Variants in SPTBN2 observed in about 807,000 individuals in gnomAD.
SPTBN2 encodes the protein spectrin beta chain, non-erythrocytic 2.
In SPTBN2, 107 loss-of-function variants were observed where a neutral mutation model predicts 284.2. The observed-to-expected ratio is 0.38, with a 90% CI of 0.32 to 0.44. The LOEUF (loss-of-function observed/expected upper bound fraction) is 0.44. SPTBN2 is among the 20% of genes least tolerant of loss of function. The pLI, the probability that SPTBN2 is intolerant of heterozygous loss-of-function variation, is 1.00. For synonymous variants in SPTBN2, 1,289 were observed against 1,354.8 expected, an observed-to-expected ratio of 0.95 and a Z score of 1.07; for missense variants, 2,569 against 3,287.1, an observed-to-expected ratio of 0.78 and a Z score of 5.34.
chr11:66,730,109 A>G (rs1942780430), upstream of SPTBN2, among the ~76,000 whole-genome samples: 2 of 151,960 alleles, frequency 1.3e-5, no homozygotes, highest in Non-Finnish European at 2.9e-5. Flanking sequence ...GCCTGAGGCT[A>G]TTTATTATTT....
chr11:66,691,562 C>G lies in SPTBN2; in HGVS notation c.5287G>C (p.Ala1763Pro). The G allele has an allele frequency of 6.2e-7, 1 of 1,613,606 alleles. No homozygotes were observed. The highest frequency in any genetic ancestry group is 8.5e-7 in the Non-Finnish European group (1 of 1,180,044). ...SANALANGLI[A>P]GGHAARATVA... ...GTGGCCCGTGCAGCATGGCCCCCAG[C>G]AATGAGCCCATTGGCCAGCGCATTG... The change falls in exon 27 of 38, where the codon GCT becomes CCT. Residue 1763 changes from alanine (A) to proline (P), a missense_variant. Transcript: ENST00000533211. This position sits in a 1 kb window ranked among gnomAD's most constrained non-coding sequence, Gnocchi z 8.0.
intron 31 of SPTBN2, 90 bp downstream of exon 31, chr11:66,688,563 G>T: frequency 6.5e-7 from 1 of 1,546,482 alleles, no homozygotes. Flanking sequence ...GGTGCAGTGG[G>T]AAGAGAGAAG....
chr11:66,714,271 G>A (rs1030706706), intron 6 of SPTBN2, 45 bp downstream of exon 6: 3 of 1,608,038 alleles, frequency 1.9e-6, no homozygotes, highest in Non-Finnish European at 2.6e-6. Context: ...AGCACAGCCT[G>A]GGGGTCACTG....
chr11:66,719,513 G>C (rs1192005062), intron 3 of SPTBN2, among the ~76,000 whole-genome samples: 1 of 152,256 alleles, frequency 6.6e-6, no homozygotes, highest in Non-Finnish European at 1.5e-5. Context: ...GGAGAGCCCA[G>C]TTCAGTGGTG....
intron 26 of SPTBN2, 40 bp downstream of exon 26, chr11:66,692,496 C>G: frequency 6.3e-7 from 1 of 1,597,758 alleles, no homozygotes; most frequent in South Asian, 1.1e-5. Flanking sequence ...CTCCACTCTT[C>G]CCACGGTTGA....
rs1367060402 is a variant in SPTBN2, at chr11:66,707,950, A to G, written c.1351-132T>C. 6 of 1,375,680 alleles carry G rather than the reference A, an allele frequency of 4.4e-6. No homozygotes were observed. The African/African-American group carries it at 8.7e-5, about 20-fold the overall frequency. The allele number at this position is 1,375,680 out of a possible 1,614,324, so 85.2% of individuals were successfully genotyped here. A position where few individuals can be genotyped will look rare whatever the true frequency, so the allele number is the denominator to read the frequency against. ...TGGCTCTAAGTTCCCTCTCTATCCC[A>G]CCCCCATCCTGTCTCACCAACCCTC... On this transcript the variant is annotated intron_variant, in intron 12 of 37. Transcript: ENST00000533211. This position sits in a 1 kb window ranked among gnomAD's most constrained non-coding sequence, Gnocchi z 4.9.
Position 66,694,426 on chromosome 11 carries a change from A to G in SPTBN2, c.4279-63T>C. 4 of 1,529,432 alleles carry G rather than the reference A, an allele frequency of 2.6e-6. No individual in the cohort carries two copies. The South Asian group carries it at 4.8e-5, about 18-fold the overall frequency. 94.7% of individuals were successfully genotyped at this position (1,529,432 alleles called of 1,614,324 possible). A position where few individuals can be genotyped will look rare whatever the true frequency, so the allele number is the denominator to read the frequency against. On this transcript the variant is annotated intron_variant, in intron 21 of 37. Coordinates refer to ENST00000533211, the MANE Select transcript of SPTBN2 (RefSeq NM_006946.4). ...ATTTCCGCCTTCATGCCCAGCAGAG[A>G]CACCAACCAGTCTCTATCCAGCCCA...
intron 3 of SPTBN2, 69 bp from the exon 4 acceptor site, chr11:66,716,050 CA>C: frequency 6.2e-7 from 1 of 1,607,872 alleles, no homozygotes. Context: ...CACCAGTTGG[CA>C]GGGGTGGGGG....
rs758669955 is a variant in SPTBN2 at position 66,686,378 on chromosome 11, G to A, written c.6939+20C>T. 1.2e-6 allele frequency: 2 copies of A among 1,613,986 alleles called. No individual in the cohort carries two copies. The highest frequency in any genetic ancestry group is 2.7e-5 in the African/African-American group (2 of 74,910). On this transcript the variant is annotated intron_variant, in intron 37 of 37. Coordinates refer to ENST00000533211, the MANE Select transcript of SPTBN2 (RefSeq NM_006946.4). ...CTTCTGGAATGGCACGGACAGAGAG[G>A]AACACGAAGGACAGCTCACCTCATC...
Position 66,692,834 on chromosome 11 carries a change from A to G in SPTBN2, c.4986-94T>C, listed in dbSNP as rs558742333. 1.3e-4 allele frequency: 209 copies of G among 1,596,310 alleles called. 1 individual carries two copies. The African/African-American group carries it at 2.6e-3, about 20-fold the overall frequency. The stretch of plus-strand genomic sequence containing the variant: ...GAGCCCTGTCCCTCTGAGTCTCCCA[A>G]CAGCTCGCCCACCCTGTGTTCCAGC... On this transcript the variant is annotated intron_variant, in intron 25 of 37. Coordinates refer to ENST00000533211, the MANE Select transcript of SPTBN2 (RefSeq NM_006946.4).
At chr11:66,731,094 T>G (rs939075963), upstream of SPTBN2, among the ~76,000 whole-genome samples, 1 of 152,220 alleles carries the variant, frequency 6.6e-6, no homozygotes, top group African/African-American at 2.4e-5. Context: ...GGCACCATAA[T>G]GTGGGGAACA....
Position 66,688,212 on chromosome 11 carries a change from C to T in SPTBN2, c.6331G>A (p.Asp2111Asn), listed in dbSNP as rs750466944. ...PEPTASVPPG[D>N]LVGGQTASDT... Reference sequence around the variant, plus strand: ...GAAGCTGTCTGGCCGCCCACCAGGTCCCCTGGAGGCACACTGGCTGTGGGT... The same window carrying T: ...GAAGCTGTCTGGCCGCCCACCAGGTTCCCTGGAGGCACACTGGCTGTGGGT... Residue 2111 changes from aspartate to asparagine, a missense_variant, in exon 32 of 38, where the codon GAC becomes AAC. Physicochemically the swap from Asp to Asn is conservative, Grantham distance 23. Transcript: ENST00000533211. 4 of 1,613,572 alleles carry T rather than the reference C, an allele frequency of 2.5e-6. No homozygotes were observed. Among genetic ancestry groups the T allele is most frequent in the South Asian group, 2.2e-5 (2 of 91,088 alleles).
At chr11:66,705,654 C>T (rs773920124) in intron 14 of SPTBN2, 30 bp downstream of exon 14, 2 of 1,608,696 alleles carry the variant, frequency 1.2e-6, no homozygotes, top group Non-Finnish European at 1.7e-6. Flanking sequence ...CCCAGCCCCT[C>T]CCTCTCCAGT....
chr11:66,713,960 G>T, intron 7 of SPTBN2, 131 bp downstream of exon 7: 1 of 1,027,452 alleles, frequency 9.7e-7, no homozygotes, highest in Non-Finnish European at 1.5e-6. Context: ...CCCATGTTCT[G>T]GTTCTGCTCC....
Position 66,704,702 on chromosome 11 carries a change from G to A in SPTBN2, c.2574C>T (p.Leu858=), listed in dbSNP as rs559959631. The stretch of plus-strand genomic sequence containing the variant: ...AGAGTCCACAGGCCCCGGCCTCGCT[G>A]AGCATGGTGTAGAGCGCCAGGGCTG... The part of the protein sequence containing the change: ...LEAALALYTM[L]SEAGACGLWV... Residue 858 remains leucine, a synonymous_variant, in exon 15 of 38, where the codon CTC becomes CTT. Transcript: ENST00000533211. The A allele has an allele frequency of 1.1e-4, 180 of 1,607,492 alleles. No homozygotes were observed. The Admixed American group carries it at 3.0e-3, about 27-fold the overall frequency.
At position 66,704,863 on chromosome 11, in the gene SPTBN2, C is replaced by A. The variant is rs777593608; in HGVS notation, c.2413G>T (p.Ala805Ser). The A allele has an allele frequency of 3.7e-6, 6 of 1,610,096 alleles. No homozygotes were observed. In the East Asian group the frequency reaches 1.1e-4, roughly 30 times the overall value. ...EIRSHRPTLD[A>S]LREQAAALPP... ...AGGGCTGCTGCCTGTTCCCTCAAGGCGTCCAGGGTTGGCCGGTGGCTTCGA... is the reference window on the plus strand; with the variant it reads ...AGGGCTGCTGCCTGTTCCCTCAAGGAGTCCAGGGTTGGCCGGTGGCTTCGA... The change falls in exon 15 of 38, where the codon GCC becomes TCC. Residue 805 changes from alanine (A) to serine (S), a missense_variant. By Grantham distance (99) the Ala-to-Ser change is moderately conservative. Transcript: ENST00000533211.
chr11:66,683,002 C>A lies in SPTBN2; in HGVS notation c.*2869G>T, dbSNP rs939500068. Among the ~76,000 whole-genome samples, 31 of 151,876 alleles carry A rather than the reference C, an allele frequency of 2.0e-4. No homozygotes were observed. The highest frequency in any genetic ancestry group is 4.3e-4 in the Non-Finnish European group (29 of 67,998). ...CTCCTGAGCTCAAGTGACCCACTCA[C>A]CTCGGCTTCCCAAAGTGCTGGGATT... On this transcript the variant is annotated 3_prime_UTR_variant, in exon 38 of 38. Transcript: ENST00000533211.
At position 66,710,425 on chromosome 11, in the gene SPTBN2, T is replaced by A. The variant is rs1941794815; in HGVS notation, c.1073+157A>T. ...AAAACGACTAATCATTAAAAAATTT[T>A]ATTTTGTATCAACTATGTTGTTTGG... On this transcript the variant is annotated intron_variant, in intron 10 of 37. Coordinates refer to ENST00000533211, the MANE Select transcript of SPTBN2 (RefSeq NM_006946.4). This position sits in a 1 kb window ranked among gnomAD's most constrained non-coding sequence, Gnocchi z 4.9. Among the ~76,000 whole-genome samples, 1 of 152,238 alleles carries A rather than the reference T, an allele frequency of 6.6e-6. No homozygotes were observed. The highest frequency in any genetic ancestry group is 2.4e-5 in the African/African-American group (1 of 41,460).
chr11:66,698,418 C>T (rs1941054025), intron 20 of SPTBN2, among the ~76,000 whole-genome samples: 1 of 152,372 alleles, frequency 6.6e-6, no homozygotes. Context: ...TGCAGTTTCG[C>T]TACCTGCTAA....
Sources: gnomAD v4.1 joint callset for allele counts (sites outside exome capture counted in the v4.1 genomes callset) on GRCh38, gnomAD v4.1.1 for gene constraint, Gnocchi (gnomAD v3.1) non-coding constraint, MANE v1.5 for transcripts, NCBI Gene and HGNC (gene_info 2026-07-23, HGNC 2026-07-21) for gene names.